The following IFIT1 variants were observed in gnomAD, a reference collection of about 807,000 sequenced individuals.
The protein encoded by IFIT1 is interferon induced protein with tetratricopeptide repeats 1, also known as antiviral innate immune response effector IFIT1.
Under a neutral mutation model 2.5 loss-of-function variants are expected in IFIT1, and 1 was observed. The observed-to-expected ratio is 0.40, with a 90% confidence interval of 0.14 to 1.92. The LOEUF (loss-of-function observed/expected upper bound fraction) is 1.92, where lower values mean the gene tolerates loss of function less well. Among genes scored for constraint, IFIT1 ranks in the 40% most tolerant of loss-of-function variants. IFIT1 has a pLI of 0.31. For synonymous variants in IFIT1, 191 were observed against 201.7 expected (o/e 0.95, Z 0.45); for missense variants, 508 against 557.8 (o/e 0.91, Z 0.90).
rs972408335 is a variant in IFIT1, at chr10:89,404,146, C to T, written c.*434C>T. The T allele has an allele frequency of 6.5e-6, 1 of 153,416 alleles. No homozygotes were observed. The highest frequency in any genetic ancestry group is 2.4e-5 in the African/African-American group (1 of 41,482). 9.5% of individuals were successfully genotyped at this position (153,416 alleles called of 1,614,324 possible). A position where few individuals can be genotyped will look rare whatever the true frequency, so the allele number is the denominator to read the frequency against. On this transcript the variant is annotated 3_prime_UTR_variant, in exon 2 of 2. Coordinates refer to ENST00000371804, the MANE Select transcript of IFIT1 (RefSeq NM_001548.5). ...GATCATTCACACCTCATTATATTCC[C>T]TCCCTTGCTAACTGCCATTGGACTT...
intron 1 of IFIT1, among the ~76,000 whole-genome samples, chr10:89,401,958 T>A (rs188944666): frequency 1.2e-4 from 18 of 152,334 alleles, no homozygotes; most frequent in African/African-American, 4.3e-4. Context: ...ATATAGCATA[T>A]AATATGCTCT....
At chr10:89,393,166 CCT>C in intron 1 of IFIT1, 1 of 1,290,786 alleles carries the variant, frequency 7.7e-7, no homozygotes, top group Non-Finnish European at 1.0e-6. Context: ...AGTCTTGCAG[CCT>C]CTCTGATGTC....
intron 1 of IFIT1, among the ~76,000 whole-genome samples, chr10:89,401,079 A>T: frequency 6.7e-6 from 1 of 149,122 alleles, no homozygotes; most frequent in African/African-American, 2.5e-5. Context: ...ATTTTTGTAT[A>T]TTGAACTATC....
At position 89,392,811 on chromosome 10, in the gene IFIT1, C is replaced by T. The variant is rs2133612336; in HGVS notation, c.5+94C>T. 5 of 1,331,744 alleles carry T rather than the reference C, an allele frequency of 3.8e-6. No homozygotes were observed. In the East Asian group the frequency reaches 1.2e-4, roughly 31 times the overall value. 82.5% of individuals were successfully genotyped at this position (1,331,744 alleles called of 1,614,324 possible). A position where few individuals can be genotyped will look rare whatever the true frequency, so the allele number is the denominator to read the frequency against. On this transcript the variant is annotated intron_variant, in intron 1 of 1. Coordinates refer to ENST00000371804, the MANE Select transcript of IFIT1 (RefSeq NM_001548.5). ...TCAACAGGTTAGATCTCAGTGAGGT[C>T]AGGTTTTCTAATTCCTCGATTTGAG...
chr10:89,399,272 A>T (rs890978168), intron 1 of IFIT1, among the ~76,000 whole-genome samples: 4 of 152,008 alleles, frequency 2.6e-5, no homozygotes, highest in East Asian at 1.9e-4. Context: ...CTGTATATTA[A>T]TCCCCTATCA....
chr10:89,398,312 C>T (rs1844374308), intron 1 of IFIT1, among the ~76,000 whole-genome samples: 2 of 152,222 alleles, frequency 1.3e-5, no homozygotes, highest in African/African-American at 2.4e-5. Flanking sequence ...TGATCATCCA[C>T]ATGCGTGATG....
At chr10:89,399,864 ACTCT>A (rs200034872) in intron 1 of IFIT1, among the ~76,000 whole-genome samples, 17 of 151,316 alleles carry the variant, frequency 1.1e-4, no homozygotes, top group East Asian at 9.7e-4. Flanking sequence ...ACCAAAGCTC[ACTCT>A]CTCTCTCTCT....
rs1844461119 is a variant in IFIT1, at chr10:89,403,003, C to T, written c.728C>T (p.Ala243Val). Residue 243 changes from alanine to valine, a missense_variant, in exon 2 of 2, where the codon GCT becomes GTT. Physicochemically the swap from Ala to Val is moderately conservative, Grantham distance 64. Transcript: ENST00000371804. ...GAAGGAGAAAAGTACATTGAAGAAGCTCTAGCCAACATGTCCTCACAGACC... is the reference window on the plus strand; with the variant it reads ...GAAGGAGAAAAGTACATTGAAGAAGTTCTAGCCAACATGTCCTCACAGACC... ...EAEGEKYIEE[A>V]LANMSSQTYV... The T allele has an allele frequency of 6.2e-7, 1 of 1,614,072 alleles. No homozygotes were observed. The highest frequency in any genetic ancestry group is 1.7e-5 in the Admixed American group (1 of 60,004).
At position 89,403,085 on chromosome 10, in the gene IFIT1, T is replaced by C. The variant is rs1254448769; in HGVS notation, c.810T>C (p.Ala270=). 3.7e-6 allele frequency: 6 copies of C among 1,614,172 alleles called. No individual in the cohort carries two copies. The Middle Eastern group carries it at 6.6e-4, about 178-fold the overall frequency. Residue 270 remains alanine, a synonymous_variant, in exon 2 of 2, where the codon GCT becomes GCC. Transcript: ENST00000371804. The part of the protein sequence containing the change: ...FYRRKGSVDK[A]LELLKKALQE... Reference sequence around the variant, plus strand: ...GAAGAAAAGGCTCTGTGGATAAAGCTCTTGAGTTATTAAAAAAGGCCTTGC... The same window carrying C: ...GAAGAAAAGGCTCTGTGGATAAAGCCCTTGAGTTATTAAAAAAGGCCTTGC...
rs1844509646 is a variant in IFIT1, at chr10:89,405,129, G to A, written c.*1417G>A. The A allele has an allele frequency of 1.3e-5, 2 of 152,182 alleles. No individual in the cohort carries two copies. Among genetic ancestry groups the A allele is most frequent in the African/African-American group, 4.8e-5 (2 of 41,452 alleles). The allele number at this position is 152,182 out of a possible 1,614,324, so 9.4% of individuals were successfully genotyped here. The stretch of plus-strand genomic sequence containing the variant: ...AGTGAGAGACACAGATAGCAGTACA[G>A]AGTCAATTAAAGGTTAGTTTTCTTC... On this transcript the variant is annotated 3_prime_UTR_variant, in exon 2 of 2. Coordinates refer to ENST00000371804, the MANE Select transcript of IFIT1 (RefSeq NM_001548.5).
chr10:89,394,509 C>T (rs73369777), intron 1 of IFIT1, among the ~76,000 whole-genome samples: 4,832 of 149,436 alleles, frequency 0.032, 272 homozygotes, highest in African/African-American at 0.11. Flanking sequence ...GTGATTATTT[C>T]AGATGGCAAA....
chr10:89,401,647 G>C (rs900075441), intron 1 of IFIT1, among the ~76,000 whole-genome samples: 1 of 152,110 alleles, frequency 6.6e-6, no homozygotes, highest in Non-Finnish European at 1.5e-5. Context: ...TTGTACCAAT[G>C]TCAATTTTCT....
intron 1 of IFIT1, among the ~76,000 whole-genome samples, chr10:89,395,820 GAAA>G (rs77969642): frequency 6.8e-6 from 1 of 147,080 alleles, no homozygotes; most frequent in African/African-American, 2.5e-5. Flanking sequence ...ACAAAATTAG[GAAA>G]AAAAAAAATA....
In IFIT1 at chr10:89,403,044, G is replaced by T; in HGVS notation, c.769G>T (p.Ala257Ser). 6.2e-7 allele frequency: 1 copy of T among 1,614,248 alleles called. No homozygotes were observed. The highest frequency in any genetic ancestry group is 8.5e-7 in the Non-Finnish European group (1 of 1,180,042). ...CTCACAGACCTATGTCTTTCGATAT[G>T]CAGCCAAGTTTTACCGAAGAAAAGG... ...MSSQTYVFRYAAKFYRRKGSV... is the reference protein window; with the variant it reads ...MSSQTYVFRYSAKFYRRKGSV... The change falls in exon 2 of 2, where the codon GCA becomes TCA. Residue 257 changes from alanine to serine, a missense_variant. Ala to Ser is a moderately conservative substitution (Grantham distance 99). Coordinates refer to ENST00000371804, the MANE Select transcript of IFIT1 (RefSeq NM_001548.5).
In IFIT1 at chr10:89,402,463, A is replaced by C; in HGVS notation, c.188A>C (p.His63Pro). 3 of 1,614,206 alleles carry C rather than the reference A, an allele frequency of 1.9e-6. No homozygotes were observed. Among genetic ancestry groups the C allele is most frequent in the Non-Finnish European group, 2.5e-6 (3 of 1,180,020 alleles). Residue 63 changes from histidine to proline, a missense_variant, in exon 2 of 2, where the codon CAC becomes CCC. His to Pro is a moderately conservative substitution (Grantham distance 77). Coordinates refer to ENST00000371804, the MANE Select transcript of IFIT1 (RefSeq NM_001548.5). ...GIHNLLAYVK[H>P]LKGQNEEALK... ...CACAACCTACTAGCCTATGTGAAACACCTGAAAGGCCAGAATGAGGAAGCC... is the reference window on the plus strand; with the variant it reads ...CACAACCTACTAGCCTATGTGAAACCCCTGAAAGGCCAGAATGAGGAAGCC...
rs1444782621 is a variant in IFIT1, at chr10:89,405,674, G to A, written c.*1962G>A. 1.3e-5 allele frequency: 2 copies of A among 152,200 alleles called. No homozygotes were observed. The highest frequency in any genetic ancestry group is 2.9e-5 in the Non-Finnish European group (2 of 68,060). The allele number at this position is 152,200 out of a possible 1,614,324, so 9.4% of individuals were successfully genotyped here. Reference sequence around the variant, plus strand: ...TTCATCCATCTTAAAAACCAACAGTGTAGTAGCCTCAAATCTCTCTCTCTG... The same window carrying A: ...TTCATCCATCTTAAAAACCAACAGTATAGTAGCCTCAAATCTCTCTCTCTG... On this transcript the variant is annotated 3_prime_UTR_variant, in exon 2 of 2. Coordinates refer to ENST00000371804, the MANE Select transcript of IFIT1 (RefSeq NM_001548.5).
rs1327948675 is a variant in IFIT1, at chr10:89,403,188, G to A, written c.913G>A (p.Ala305Thr). The A allele has an allele frequency of 9.3e-6, 15 of 1,613,974 alleles. No individual in the cohort carries two copies. The highest frequency in any genetic ancestry group is 1.3e-5 in the African/African-American group (1 of 74,932). Residue 305 changes from alanine (A) to threonine (T), a missense_variant, in exon 2 of 2, where the codon GCT becomes ACT. Ala to Thr is a moderately conservative substitution (Grantham distance 58). Coordinates refer to ENST00000371804, the MANE Select transcript of IFIT1 (RefSeq NM_001548.5). ...GGCACAAATGATCCAAATCAAGGAG[G>A]CTACAAAAGGGCAGCCTAGAGGGCA... ...YKAQMIQIKE[A>T]TKGQPRGQNR...
At position 89,403,514 on chromosome 10, in the gene IFIT1, A is replaced by T; in HGVS notation, c.1239A>T (p.Leu413Phe). 6.2e-7 allele frequency: 1 copy of T among 1,613,388 alleles called. No individual in the cohort carries two copies. Among genetic ancestry groups the T allele is most frequent in the South Asian group, 1.1e-5 (1 of 90,836 alleles). ...LKAIKIEQAS[L>F]TRDKSINSLK... The stretch of plus-strand genomic sequence containing the variant: ...CTATAAAAATAGAACAGGCATCATT[A>T]ACAAGGGATAAAAGTATCAATTCTT... The change falls in exon 2 of 2, where the codon TTA becomes TTT. Residue 413 changes from leucine to phenylalanine, a missense_variant. Transcript: ENST00000371804.
In IFIT1 at chr10:89,392,716, A is replaced by C; in HGVS notation, c.4A>C (p.Ser2Arg). Residue 2 changes from serine (S) to arginine (R), a missense_variant and splice_region_variant, in exon 1 of 2, where the codon AGT (serine) becomes CGT (arginine). Ser to Arg is a moderately radical substitution (Grantham distance 110). Coordinates refer to ENST00000371804, the MANE Select transcript of IFIT1 (RefSeq NM_001548.5). The part of the protein sequence containing the change: M[S>R]TNGDDHQVKD... ...GGCTGCCTAATTTACAGCAACCATG[A>C]GGTAAGGATTTCTTTGCTCCTCTGC... 6.2e-7 allele frequency: 1 copy of C among 1,614,066 alleles called. No homozygotes were observed. Among genetic ancestry groups the C allele is most frequent in the Middle Eastern group, 1.7e-4 (1 of 6,060 alleles).
Sources: gnomAD v4.1 joint callset for allele counts (sites outside exome capture counted in the v4.1 genomes callset) on GRCh38, gnomAD v4.1.1 for gene constraint, MANE v1.5 for transcripts, NCBI Gene and HGNC (gene_info 2026-07-23, HGNC 2026-07-21) for gene names.